The following GINM1 variants were observed in gnomAD, a reference collection of about 807,000 sequenced individuals.
The protein encoded by GINM1 is glycosylated integral membrane protein 1.
In GINM1, 29 loss-of-function variants were observed where a neutral mutation model predicts 37.8. The ratio of observed to expected loss-of-function variants is 0.77; its 90% CI spans 0.57 to 1.05. The LOEUF is 1.05. Among genes scored for constraint, GINM1 ranks in the 50% least tolerant of loss-of-function variants. The pLI is 0.00. For missense variants in GINM1, 377 were observed against 397.9 expected, an observed-to-expected ratio of 0.95 and a Z score of 0.45; for synonymous variants, 143 against 146.2, an observed-to-expected ratio of 0.98 and a Z score of 0.16.
intron 7 of GINM1, among the ~76,000 whole-genome samples, chr6:149,588,099 G>T (rs1778100925): frequency 6.6e-6 from 1 of 152,054 alleles, no homozygotes; most frequent in Non-Finnish European, 1.5e-5. Flanking sequence ...ATACATCCTT[G>T]CACATATATT....
rs1356566978 is a variant in GINM1 at position 149,570,134 on chromosome 6, TTTTATATATATATATATA to T, written c.121-2149_121-2132del. Among the ~76,000 whole-genome samples, 120 of 96,120 alleles carry T rather than the reference TTTTATATATATATATATA, an allele frequency of 1.2e-3. 4 individuals carry two copies. Among genetic ancestry groups the T allele is most frequent in the African/African-American group, 5.2e-3 (107 of 20,634 alleles). The allele number at this position is 96,120 out of a possible 152,430, so 63.1% of individuals were successfully genotyped here. ...AAACTCTGTAATTTTACTAGGTAGG[TTTTATATATATATATATA>T]TATATATATATATATATATATATAT... On this transcript the variant is annotated intron_variant, in intron 1 of 7. Transcript: ENST00000367419.
In GINM1 at chr6:149,591,172, G is replaced by A. The variant is rs954362683; in HGVS notation, c.*334G>A. The A allele has an allele frequency of 7.3e-5, 12 of 164,228 alleles. 1 individual carries two copies. Among genetic ancestry groups the A allele is most frequent in the East Asian group, 5.3e-4 (3 of 5,644 alleles). The allele number at this position is 164,228 out of a possible 1,614,324, so 10.2% of individuals were successfully genotyped here. A position where few individuals can be genotyped will look rare whatever the true frequency, so the allele number is the denominator to read the frequency against. ...CTGGGTGTGGCGGTGCACGCCTGTA[G>A]TCCCAGCTACTTGGGAGGCTGAGGC... On this transcript the variant is annotated 3_prime_UTR_variant, in exon 8 of 8. Coordinates refer to ENST00000367419, the MANE Select transcript of GINM1 (RefSeq NM_138785.5).
rs753886714 is a variant in GINM1, at chr6:149,579,936, T to C, written c.532T>C (p.Ser178Pro). ...TLPLEESMLY[S>P]ISRDSDILFT... ...CCCTTTGGAAGAAAGCATGCTCTAC[T>C]CTATTTCTCGAGACAGTGACATTTT... The change falls in exon 5 of 8, where the codon TCT becomes CCT. Residue 178 changes from serine (S) to proline (P), a missense_variant. Transcript: ENST00000367419. 1.2e-6 allele frequency: 2 copies of C among 1,611,044 alleles called. No individual in the cohort carries two copies. Among genetic ancestry groups the C allele is most frequent in the Admixed American group, 3.3e-5 (2 of 59,872 alleles).
intron 1 of GINM1, among the ~76,000 whole-genome samples, chr6:149,569,771 G>A (rs1777782039): frequency 6.6e-6 from 1 of 152,118 alleles, no homozygotes; most frequent in Admixed American, 6.6e-5. Flanking sequence ...TAAACCAGCT[G>A]TCTATTACCT....
In GINM1 at chr6:149,572,615, T is replaced by C; in HGVS notation, c.277+12T>C. 7.2e-7 allele frequency: 1 copy of C among 1,386,856 alleles called. No individual in the cohort carries two copies. Among genetic ancestry groups the C allele is most frequent in the East Asian group, 2.3e-5 (1 of 43,820 alleles). 85.9% of individuals were successfully genotyped at this position (1,386,856 alleles called of 1,614,324 possible). A position where few individuals can be genotyped will look rare whatever the true frequency, so the allele number is the denominator to read the frequency against. ...TCAGACTTTGATAGGTGAGTATTAC[T>C]AAATTATTTCCATAATTGCTCTGTT... is the stretch of plus-strand genomic sequence containing the variant. On this transcript the variant is annotated intron_variant, in intron 3 of 7. Coordinates refer to ENST00000367419, the MANE Select transcript of GINM1 (RefSeq NM_138785.5).
At chr6:149,573,704 A>G (rs986454958) in intron 3 of GINM1, among the ~76,000 whole-genome samples, 11 of 152,002 alleles carry the variant, frequency 7.2e-5, no homozygotes, top group Middle Eastern at 3.4e-3. Context: ...TTGTCTCTGC[A>G]AAAAATACAA....
At chr6:149,571,595 G>T (rs1777823097) in intron 1 of GINM1, among the ~76,000 whole-genome samples, 1 of 152,064 alleles carries the variant, frequency 6.6e-6, no homozygotes, top group African/African-American at 2.4e-5. Context: ...AGCAAGAAAT[G>T]ATTCAAATGG....
At chr6:149,581,507 T>G (rs539895978) in intron 6 of GINM1, among the ~76,000 whole-genome samples, 79 of 152,304 alleles carry the variant, frequency 5.2e-4, no homozygotes, top group African/African-American at 1.8e-3. Context: ...GCACTTAATC[T>G]CTCTACCCTC....
chr6:149,572,653 G>T lies in GINM1; in HGVS notation c.277+50G>T, dbSNP rs745949133. ...TAATTGCTCTGTTTTTTGTGTGTTT[G>T]TTGTTGTTGTTGTTGTTGTTTGTTT... On this transcript the variant is annotated intron_variant, in intron 3 of 7. Transcript: ENST00000367419. 4 of 951,708 alleles carry T rather than the reference G, an allele frequency of 4.2e-6. No homozygotes were observed. In the African/African-American group the frequency reaches 4.9e-5, roughly 12 times the overall value. The allele number at this position is 951,708 out of a possible 1,614,324, so 59.0% of individuals were successfully genotyped here.
chr6:149,582,806 C>CA (rs1341317892), intron 7 of GINM1, among the ~76,000 whole-genome samples: 5 of 152,112 alleles, frequency 3.3e-5, no homozygotes, highest in Non-Finnish European at 7.4e-5. Context: ...GTGATCAAGA[C>CA]ATTCTTGGAG....
Position 149,578,930 on chromosome 6 carries a change from T to C in GINM1, c.386T>C (p.Leu129Pro). ...WPMTSGSSLQ[L>P]IVIQEEVVEI... ...ATGACATCTGGTTCCAGTTTGCAACTAATTGTCATTCAAGAAGAGGTAGTA... is the reference window on the plus strand; with the variant it reads ...ATGACATCTGGTTCCAGTTTGCAACCAATTGTCATTCAAGAAGAGGTAGTA... The change falls in exon 4 of 8, where the codon CTA (leucine) becomes CCA (proline). Residue 129 changes from leucine (L) to proline (P), a missense_variant. By Grantham distance (98) the Leu-to-Pro change is moderately conservative (BLOSUM62 -3). Coordinates refer to ENST00000367419, the MANE Select transcript of GINM1 (RefSeq NM_138785.5). 1 of 1,604,958 alleles carries C rather than the reference T, an allele frequency of 6.2e-7. No individual in the cohort carries two copies. The highest frequency in any genetic ancestry group is 8.5e-7 in the Non-Finnish European group (1 of 1,172,420).
rs116282884 is a variant in GINM1, at chr6:149,580,006, A to G, written c.586+16A>G. The G allele has an allele frequency of 1.4e-3, 2,164 of 1,497,898 alleles. 37 individuals carry two copies. The African/African-American group carries it at 0.027, about 19-fold the overall frequency. The allele number at this position is 1,497,898 out of a possible 1,614,324, so 92.8% of individuals were successfully genotyped here. A position where few individuals can be genotyped will look rare whatever the true frequency, so the allele number is the denominator to read the frequency against. ...TCCAAAAAAGGTAACTTAAAAGACC[A>G]TTATTTAAAGTATTAAGGAGATTAT... On this transcript the variant is annotated intron_variant, in intron 5 of 7. Transcript: ENST00000367419.
At position 149,578,868 on chromosome 6, in the gene GINM1, A is replaced by G. The variant is rs139415037; in HGVS notation, c.324A>G (p.Gly108=). Residue 108 remains glycine, a synonymous_variant, in exon 4 of 8, where the codon GGA becomes GGG. Coordinates refer to ENST00000367419, the MANE Select transcript of GINM1 (RefSeq NM_138785.5). ...ATTTGGAGGAAAAAGAATATTTTGGAATTGTCAGTGTAAGGATTTTAGTTC... is the reference window on the plus strand; with the variant it reads ...ATTTGGAGGAAAAAGAATATTTTGGGATTGTCAGTGTAAGGATTTTAGTTC... The part of the protein sequence containing the change: ...LENLEEKEYF[G]IVSVRILVHE... The G allele has an allele frequency of 8.8e-6, 14 of 1,591,828 alleles. No homozygotes were observed. In the African/African-American group the frequency reaches 1.7e-4, roughly 20 times the overall value.
Position 149,580,688 on chromosome 6 carries a change from AC to A in GINM1, c.683del (p.Thr228IlefsTer13). 6.2e-7 allele frequency: 1 copy of A among 1,613,664 alleles called. No individual in the cohort carries two copies. Among genetic ancestry groups the A allele is most frequent in the Non-Finnish European group, 8.5e-7 (1 of 1,179,812 alleles). ...EDVLPGKLPETPLRAEPPSSY... is the reference protein window; with the variant it reads ...EDVLPGKLPEXPLRAEPPSSY... ...TGTTTTACCTGGCAAGTTACCTGAAACTCCTCTCAGAGCAGAGCCGCCATCT... is the reference window on the plus strand; with the variant it reads ...TGTTTTACCTGGCAAGTTACCTGAAATCCTCTCAGAGCAGAGCCGCCATCT... On this transcript the variant is annotated frameshift_variant, in exon 6 of 8. Coordinates refer to ENST00000367419, the MANE Select transcript of GINM1 (RefSeq NM_138785.5). LOFTEE classifies it high-confidence loss of function.
At chr6:149,583,693 T>C (rs1406939017) in intron 7 of GINM1, among the ~76,000 whole-genome samples, 2 of 151,456 alleles carry the variant, frequency 1.3e-5, no homozygotes, top group African/African-American at 4.9e-5. Context: ...TGAGGTCTAA[T>C]GAGATTTTCT....
In GINM1 at chr6:149,566,421, G is replaced by A. The variant is rs780954745; in HGVS notation, c.7G>A (p.Gly3Ser). 6 of 1,568,894 alleles carry A rather than the reference G, an allele frequency of 3.8e-6. No homozygotes were observed. In the East Asian group the frequency reaches 1.2e-4, roughly 31 times the overall value. Residue 3 changes from glycine (G) to serine (S), a missense_variant, in exon 1 of 8, where the codon GGC becomes AGC. Coordinates refer to ENST00000367419, the MANE Select transcript of GINM1 (RefSeq NM_138785.5). The surrounding 1 kb of genome is among the most constrained non-coding windows in gnomAD (Gnocchi z 4.4). ME[G>S]APPGSLALRL... ...TCTGCCCGGGTTGTCCAAGATGGAGGGCGCTCCACCGGGGTCGCTCGCCCT... is the reference window on the plus strand; with the variant it reads ...TCTGCCCGGGTTGTCCAAGATGGAGAGCGCTCCACCGGGGTCGCTCGCCCT...
intron 3 of GINM1, among the ~76,000 whole-genome samples, chr6:149,575,766 T>C (rs940847751): frequency 6.6e-6 from 1 of 152,190 alleles, no homozygotes; most frequent in African/African-American, 2.4e-5. Flanking sequence ...AAGGAAGTGC[T>C]AGTACTACTG....
chr6:149,566,492 G>A lies in GINM1; in HGVS notation c.78G>A (p.Thr26=), dbSNP rs550194728. The part of the protein sequence containing the change: ...FVALPASGWL[T]TGAPEPPPLS... ...CGCTACCCGCCTCCGGCTGGCTGAC[G>A]ACGGGCGCCCCCGAGCCGCCGCCGC... Residue 26 remains threonine, a synonymous_variant, in exon 1 of 8, where the codon ACG becomes ACA. Transcript: ENST00000367419. The surrounding 1 kb of genome is among the most constrained non-coding windows in gnomAD (Gnocchi z 4.4). The A allele has an allele frequency of 1.4e-4, 213 of 1,543,864 alleles. No individual in the cohort carries two copies. In the African/African-American group the frequency reaches 2.6e-3, roughly 19 times the overall value.
intron 1 of GINM1, among the ~76,000 whole-genome samples, chr6:149,568,033 T>C (rs927433951): frequency 9.9e-5 from 15 of 152,254 alleles, no homozygotes; most frequent in Non-Finnish European, 2.1e-4. Flanking sequence ...GTCGGCTGGC[T>C]CTTAGTGATG....
Sources: allele counts gnomAD v4.1 joint callset (sites outside exome capture counted in the v4.1 genomes callset), GRCh38; gene constraint gnomAD v4.1.1; non-coding constraint Gnocchi (gnomAD v3.1); transcripts MANE v1.5; gene names NCBI Gene and HGNC (gene_info 2026-07-23, HGNC 2026-07-21).